The following SLC25A26 variants were observed in gnomAD, a reference collection of about 807,000 sequenced individuals.
SLC25A26 encodes mitochondrial S-adenosylmethionine carrier protein.
A neutral mutation model predicts 37.8 loss-of-function variants in SLC25A26; 36 were observed. That is an observed-to-expected ratio of 0.95 (90% CI 0.73 to 1.26). The LOEUF is 1.26. Ranked by LOEUF, SLC25A26 falls within the 50% of genes most tolerant of loss-of-function variation. SLC25A26 has a pLI of 0.00. For missense variants in SLC25A26, 390 were observed against 331.1 expected (o/e 1.18, Z -1.38); for synonymous variants, 129 against 122.5 (o/e 1.05, Z -0.35).
rs1559696869 is a variant in SLC25A26 at position 66,321,070 on chromosome 3, A to G, written c.454-25294A>G. 3.3e-5 allele frequency among the ~76,000 whole-genome samples: 5 copies of G among 152,104 alleles called. No individual in the cohort carries two copies. In the South Asian group the frequency reaches 1.0e-3, roughly 32 times the overall value. The stretch of plus-strand genomic sequence containing the variant: ...GATGGGATTAGCATCTTTATAAAAA[A>G]CACCTGAGAGAGAAAGAGAGCACAT... On this transcript the variant is annotated intron_variant, in intron 5 of 9. Transcript: ENST00000354883.
At chr3:66,271,559 CAG>C (rs1240470446) in intron 5 of SLC25A26, among the ~76,000 whole-genome samples, 1 of 152,084 alleles carries the variant, frequency 6.6e-6, no homozygotes, top group Non-Finnish European at 1.5e-5. Flanking sequence ...GATGGTATCT[CAG>C]GGCCTTTATG....
chr3:66,199,599 C>T (rs1293386731), intron 1 of SLC25A26, among the ~76,000 whole-genome samples: 6 of 152,064 alleles, frequency 3.9e-5, no homozygotes, highest in African/African-American at 1.4e-4. Context: ...TGACTCTGAC[C>T]TTAACCCTCT....
intron 1 of SLC25A26, among the ~76,000 whole-genome samples, chr3:66,166,547 G>A (rs1227787619): frequency 6.6e-6 from 1 of 152,182 alleles, no homozygotes; most frequent in Non-Finnish European, 1.5e-5. Context: ...TGGAATGGAA[G>A]GCTTAATCTT....
intron 9 of SLC25A26, among the ~76,000 whole-genome samples, chr3:66,376,980 A>C (rs575700374): frequency 6.6e-6 from 1 of 152,276 alleles, no homozygotes; most frequent in Middle Eastern, 3.4e-3. Flanking sequence ...CTGTATGTTT[A>C]TACTGTGCCA....
At chr3:66,159,215 AGCCTTATCTTGAAG>A (rs1233015541) in intron 1 of SLC25A26, among the ~76,000 whole-genome samples, 3 of 152,186 alleles carry the variant, frequency 2.0e-5, no homozygotes, top group African/African-American at 7.2e-5. Context: ...AGTGTACATA[AGCCTTATCTTGAAG>A]GCCCTGTGCA....
At chr3:66,296,325 T>C (rs1294231524) in intron 5 of SLC25A26, among the ~76,000 whole-genome samples, 2 of 152,218 alleles carry the variant, frequency 1.3e-5, no homozygotes, top group Non-Finnish European at 2.9e-5. Context: ...ACAGATGCTT[T>C]TCCATGCATG....
At chr3:66,174,254 A>G (rs956527200) in intron 1 of SLC25A26, among the ~76,000 whole-genome samples, 18 of 152,298 alleles carry the variant, frequency 1.2e-4, no homozygotes, top group African/African-American at 4.3e-4. Flanking sequence ...TCCTTACCAG[A>G]GATAAGCAGT....
At chr3:66,261,622 C>T (rs1007295896) in intron 3 of SLC25A26, 4 of 162,302 alleles carry the variant, frequency 2.5e-5, no homozygotes, top group African/African-American at 9.6e-5. Flanking sequence ...GGCTGGGTAC[C>T]AGCTGATGGT....
At chr3:66,150,524 G>GATATATATATATAT (rs57194947) in intron 1 of SLC25A26, among the ~76,000 whole-genome samples, 1 of 103,656 alleles carries the variant, frequency 9.6e-6, no homozygotes, top group African/African-American at 3.8e-5. Context: ...TATATATAAT[G>GATATATATATATAT]ATATATATAT....
At chr3:66,372,675 G>A (rs565274085) in intron 9 of SLC25A26, among the ~76,000 whole-genome samples, 2 of 152,252 alleles carry the variant, frequency 1.3e-5, no homozygotes, top group Admixed American at 1.3e-4. Context: ...CGTCACTTAA[G>A]GGAGTTTTGA....
chr3:66,278,265 T>A (rs2074222987), intron 5 of SLC25A26, among the ~76,000 whole-genome samples: 1 of 152,132 alleles, frequency 6.6e-6, no homozygotes. Flanking sequence ...AGAGTCATCT[T>A]CTAAAATAAT....
chr3:66,171,388 C>T (rs1425101056), intron 1 of SLC25A26, among the ~76,000 whole-genome samples: 1 of 152,176 alleles, frequency 6.6e-6, no homozygotes, highest in Non-Finnish European at 1.5e-5. Context: ...CCATCCCTAG[C>T]AGTTATTTGG....
At chr3:66,274,705 C>G (rs2074074130) in intron 5 of SLC25A26, among the ~76,000 whole-genome samples, 2 of 152,126 alleles carry the variant, frequency 1.3e-5, no homozygotes, top group African/African-American at 4.8e-5. Flanking sequence ...AATGAGATAC[C>G]ATCTCACACC....
intron 5 of SLC25A26, chr3:66,293,020 T>C (rs905219232): frequency 1.3e-5 from 2 of 152,006 alleles, no homozygotes; most frequent in East Asian, 3.9e-4. Context: ...TGTCTTCACA[T>C]TTTATTTCAT....
chr3:66,270,985 T>C (rs1389087675), intron 5 of SLC25A26, among the ~76,000 whole-genome samples: 1 of 152,202 alleles, frequency 6.6e-6, no homozygotes, highest in Admixed American at 6.5e-5. Context: ...CATGTTGTCC[T>C]GAAGGGGCAC....
intron 5 of SLC25A26, among the ~76,000 whole-genome samples, chr3:66,273,571 C>A (rs2074029090): frequency 6.6e-6 from 1 of 152,124 alleles, no homozygotes; most frequent in Non-Finnish European, 1.5e-5. Flanking sequence ...GATACAAAAT[C>A]AATGTACAAA....
chr3:66,176,530 A>C (rs2070589532), intron 1 of SLC25A26, among the ~76,000 whole-genome samples: 1 of 152,208 alleles, frequency 6.6e-6, no homozygotes, highest in South Asian at 2.1e-4. Context: ...AAAAAATCAA[A>C]TCAGTCTTCT....
chr3:66,176,754 A>G (rs1026812740), intron 1 of SLC25A26, among the ~76,000 whole-genome samples: 1 of 152,164 alleles, frequency 6.6e-6, no homozygotes, highest in African/African-American at 2.4e-5. Context: ...TCATATTGTT[A>G]TTTCTCCTAA....
rs71105977 is a variant in SLC25A26, at chr3:66,281,996, A to ATTTTTTTTT, written c.453+18635_453+18643dup. 4.7e-5 allele frequency among the ~76,000 whole-genome samples: 3 copies of ATTTTTTTTT among 64,512 alleles called. 1 individual carries two copies. Among genetic ancestry groups the ATTTTTTTTT allele is most frequent in the African/African-American group, 2.3e-4 (3 of 12,976 alleles). The allele number at this position is 64,512 out of a possible 152,430, so 42.3% of individuals were successfully genotyped here. Reference sequence around the variant, plus strand: ...CACCACCACACCCAACTGATTTTGCATTTTTTTTTTTTTTTTTTTTTTTTT... The same window carrying ATTTTTTTTT: ...CACCACCACACCCAACTGATTTTGCATTTTTTTTTTTTTTTTTTTTTTTTTTTTTTTTTT... On this transcript the variant is annotated intron_variant, in intron 5 of 9. Transcript: ENST00000354883.
Sources: gnomAD v4.1 joint callset for allele counts (sites outside exome capture counted in the v4.1 genomes callset) on GRCh38, gnomAD v4.1.1 for gene constraint, MANE v1.5 for transcripts, NCBI Gene and HGNC (gene_info 2026-07-23, HGNC 2026-07-21) for gene names.